The following ELN variants were observed in gnomAD, a reference collection of about 807,000 sequenced individuals.
ELN encodes the protein tropoelastin.
In ELN, 65 loss-of-function variants were observed where a neutral mutation model predicts 105.8. That is an observed-to-expected ratio of 0.61 (90% confidence interval 0.50 to 0.75). ELN has a LOEUF of 0.75. ELN is among the 30% of genes least tolerant of loss of function. The pLI is 0.00. For synonymous variants in ELN, 368 were observed against 389.2 expected (o/e 0.95, Z 0.64); for missense variants, 882 against 969.4 (o/e 0.91, Z 1.20).
chr7:74,029,789 C>T (rs530897949), intron 1 of ELN, among the ~76,000 whole-genome samples: 1 of 152,350 alleles, frequency 6.6e-6, no homozygotes, highest in East Asian at 1.9e-4. Flanking sequence ...GGGCCACCAC[C>T]TATAGGGTGG....
At chr7:74,054,803 G>C in intron 19 of ELN, 34 bp downstream of exon 19, 1 of 1,613,156 alleles carries the variant, frequency 6.2e-7, no homozygotes, top group African/African-American at 1.3e-5. Flanking sequence ...GCCCCACCCT[G>C]TCCTGGCCTT....
At chr7:74,033,731 AGAGGCCAGACGTCTGGCCGC>A (rs1266213974) in intron 1 of ELN, among the ~76,000 whole-genome samples, 13 of 152,198 alleles carry the variant, frequency 8.5e-5, no homozygotes, top group African/African-American at 3.1e-4. Flanking sequence ...GCCAGGCCTC[AGAGGCCAGACGTCTGGCCGC>A]GAGGCCTCCC....
In ELN at chr7:74,029,864, T is replaced by G. The variant is rs369807054; in HGVS notation, c.82+1595T>G. Among the ~76,000 whole-genome samples, 87 of 152,320 alleles carry G rather than the reference T, an allele frequency of 5.7e-4. No individual in the cohort carries two copies. The South Asian group carries it at 0.018, about 31-fold the overall frequency. On this transcript the variant is annotated intron_variant, in intron 1 of 32. Coordinates refer to ENST00000252034, the MANE Select transcript of ELN (RefSeq NM_000501.4). ...ATCATCACTTGACAAACAAGGAAGC[T>G]GAGGCTCCGGCAGGCTAAGGCAGTC... is the stretch of plus-strand genomic sequence containing the variant.
intron 20 of ELN, 61 bp from the exon 21 acceptor site, chr7:74,056,611 C>A: frequency 6.2e-7 from 1 of 1,612,044 alleles, no homozygotes; most frequent in Non-Finnish European, 8.5e-7. Context: ...GCTTTAAACA[C>A]GGCTCGGAGG....
intron 32 of ELN, 39 bp from the exon 33 acceptor site, chr7:74,068,618 G>A (rs1798509699): frequency 6.2e-7 from 1 of 1,613,606 alleles, no homozygotes; most frequent in East Asian, 2.2e-5. Flanking sequence ...AAACTGAGAG[G>A]GGCCGGACTC....
At chr7:74,048,328 C>T (rs1320046937) in intron 14 of ELN, 127 bp downstream of exon 14, 3 of 1,517,266 alleles carry the variant, frequency 2.0e-6, no homozygotes, top group African/African-American at 2.7e-5. Context: ...TGGTCCAAAC[C>T]TGGAGCAGGA....
intron 18 of ELN, among the ~76,000 whole-genome samples, chr7:74,053,684 A>G (rs1297900996): frequency 6.9e-6 from 1 of 145,418 alleles, no homozygotes; most frequent in Non-Finnish European, 1.5e-5. Flanking sequence ...GAATGAATGG[A>G]TGGATAGATG....
In ELN at chr7:74,060,455, T is replaced by C. The variant is rs1431457930; in HGVS notation, c.1701T>C (p.Gly567=). The C allele has an allele frequency of 1.9e-6, 3 of 1,613,650 alleles. No individual in the cohort carries two copies. The highest frequency in any genetic ancestry group is 1.3e-5 in the African/African-American group (1 of 74,930). ...TCCCTGGACTTGGAGTTGGTGCTGG[T>C]GTTCCTGGACTTGGAGTTGGTGCTG... ...VGVPGLGVGA[G]VPGLGVGAGV... Residue 567 remains glycine (G), a synonymous_variant, in exon 25 of 33, where the codon GGT becomes GGC. Transcript: ENST00000252034.
intron 15 of ELN, 76 bp from the exon 16 acceptor site, chr7:74,051,674 G>A (rs951759436): frequency 4.3e-5 from 66 of 1,552,576 alleles, no homozygotes; most frequent in Admixed American, 5.2e-5. Context: ...TGAAAACGCC[G>A]GCGTCTAAGT....
At position 74,056,438 on chromosome 7, in the gene ELN, G is replaced by A. The variant is rs1554679893; in HGVS notation, c.1315+3G>A. ...TGTCCCGGGAGTTGGCATTTCCCGT[G>A]AGCCTTAGTCACACCTGGGGACATG... On this transcript the variant is annotated splice_donor_region_variant and intron_variant, in intron 20 of 32. Coordinates refer to ENST00000252034, the MANE Select transcript of ELN (RefSeq NM_000501.4). The A allele has an allele frequency of 6.2e-7, 1 of 1,613,536 alleles. No homozygotes were observed. The highest frequency in any genetic ancestry group is 1.3e-5 in the African/African-American group (1 of 74,884).
At chr7:74,052,918 A>C (rs1794415798) in intron 17 of ELN, 2 of 560,904 alleles carry the variant, frequency 3.6e-6, no homozygotes, top group Non-Finnish European at 3.2e-6. Flanking sequence ...AAAGGAAGGA[A>C]AGAAAAGAAA....
chr7:74,060,670 C>A (rs1554683918), intron 25 of ELN, 169 bp downstream of exon 25: 3 of 1,531,176 alleles, frequency 2.0e-6, no homozygotes, highest in Non-Finnish European at 2.6e-6. Flanking sequence ...GGAGGGCAGA[C>A]CAGGCCAAGG....
At chr7:74,058,082 C>G (rs1554681510) in intron 22 of ELN, among the ~76,000 whole-genome samples, 1 of 150,084 alleles carries the variant, frequency 6.7e-6, no homozygotes, top group Non-Finnish European at 1.5e-5. Flanking sequence ...CTTTCTTCTC[C>G]TCCTCCTCCT....
At chr7:74,037,584 T>G in intron 3 of ELN, 123 bp from the exon 4 acceptor site, 1 of 1,425,790 alleles carries the variant, frequency 7.0e-7, no homozygotes. Flanking sequence ...GCTCCAAGTC[T>G]GAGCGGGAGG....
chr7:74,034,135 A>G (rs1243225781), intron 1 of ELN, among the ~76,000 whole-genome samples: 2 of 152,212 alleles, frequency 1.3e-5, no homozygotes, highest in Non-Finnish European at 2.9e-5. Context: ...AGCCCGTGTC[A>G]GACGGCCAGA....
intron 12 of ELN, among the ~76,000 whole-genome samples, chr7:74,047,259 G>A (rs1487595090): frequency 6.6e-6 from 1 of 152,086 alleles, no homozygotes; most frequent in Non-Finnish European, 1.5e-5. Flanking sequence ...ACACACACAC[G>A]CTCATGCACA....
chr7:74,065,905 TG>T (rs781967973), intron 30 of ELN, 38 bp from the exon 31 acceptor site: 2 of 1,614,024 alleles, frequency 1.2e-6, no homozygotes, highest in East Asian at 4.5e-5. Flanking sequence ...CTCTTCCCGA[TG>T]GGGGTGTCTT....
chr7:74,045,926 T>C (rs553472827), intron 10 of ELN: 5 of 516,030 alleles, frequency 9.7e-6, no homozygotes, highest in African/African-American at 3.8e-5. Context: ...TCCCAGCTAC[T>C]TGGGAGGCTG....
intron 26 of ELN, chr7:74,062,063 G>A (rs1195116918): frequency 6.6e-6 from 1 of 152,324 alleles, no homozygotes; most frequent in East Asian, 1.9e-4. Context: ...TCTGCACTTG[G>A]CGCTCTGGCA....
Sources: gnomAD v4.1 joint callset for allele counts (sites outside exome capture counted in the v4.1 genomes callset) on GRCh38, gnomAD v4.1.1 for gene constraint, MANE v1.5 for transcripts, NCBI Gene and HGNC (gene_info 2026-07-23, HGNC 2026-07-21) for gene names.